Variants in SLC39A12 observed in about 807,000 individuals in gnomAD.
The protein encoded by SLC39A12 is solute carrier family 39 member 12.
SLC39A12 carries 63 observed loss-of-function variants against 71.1 expected under a neutral mutation model. The observed-to-expected ratio is 0.89, with a 90% confidence interval of 0.72 to 1.09. The LOEUF is 1.09. Ranked by LOEUF, SLC39A12 falls within the 50% of genes least tolerant of loss-of-function variation. SLC39A12 has a pLI of 0.00. For synonymous variants in SLC39A12, 351 were observed against 301.3 expected (o/e 1.16, Z -1.71); for missense variants, 892 against 812.6 (o/e 1.10, Z -1.19).
chr10:18,003,130 A>T (rs955971906), intron 11 of SLC39A12, 41 bp from the exon 12 acceptor site: 3 of 1,585,620 alleles, frequency 1.9e-6, no homozygotes, highest in South Asian at 2.3e-5. Context: ...GGCGTCTTCC[A>T]TTAAATGATA....
intron 12 of SLC39A12, among the ~76,000 whole-genome samples, chr10:18,036,794 A>ATATTTTTTTTTTT (rs1554855475): frequency 1.1e-5 from 1 of 92,862 alleles, no homozygotes; most frequent in African/African-American, 4.5e-5. Context: ...ATATATATAT[A>ATATTTTTTTTTTT]TTTTTTTTTT....
Position 18,036,790 on chromosome 10 carries a change from A to ATTTT in SLC39A12, c.1948-5914_1948-5913insTTTT, listed in dbSNP as rs1464293480. 3.8e-4 allele frequency among the ~76,000 whole-genome samples: 26 copies of ATTTT among 69,206 alleles called. 1 individual carries two copies. The highest frequency in any genetic ancestry group is 1.2e-3 in the Admixed American group (6 of 5,136). The allele number at this position is 69,206 out of a possible 152,430, so 45.4% of individuals were successfully genotyped here. ...TATATATATATATATATATATATAT[A>ATTTT]TATATTTTTTTTTTTAATGGAATCT... On this transcript the variant is annotated intron_variant, in intron 12 of 12. Coordinates refer to ENST00000377369, the MANE Select transcript of SLC39A12 (RefSeq NM_001145195.2).
chr10:18,013,346 T>TTTATTTA (rs375552970), intron 12 of SLC39A12, among the ~76,000 whole-genome samples: 5 of 139,846 alleles, frequency 3.6e-5, no homozygotes, highest in Admixed American at 7.2e-5. Flanking sequence ...TCCAACTTTA[T>TTTATTTA]TTATTATTAT....
chr10:18,041,261 C>T (rs1837216964), intron 12 of SLC39A12, among the ~76,000 whole-genome samples: 1 of 151,976 alleles, frequency 6.6e-6, no homozygotes, highest in Non-Finnish European at 1.5e-5. Flanking sequence ...GAAATAGTTG[C>T]CATGTGTTTC....
chr10:17,963,628 C>T (rs956666946), intron 3 of SLC39A12, among the ~76,000 whole-genome samples: 4 of 152,224 alleles, frequency 2.6e-5, no homozygotes, highest in Admixed American at 1.3e-4. Context: ...GCTCATTCAA[C>T]TGGACTAGGA....
In SLC39A12 at chr10:17,991,293, C is replaced by A; in HGVS notation, c.1412C>A (p.Pro471Gln). 2 of 1,580,716 alleles carry A rather than the reference C, an allele frequency of 1.3e-6. No individual in the cohort carries two copies. Among genetic ancestry groups the A allele is most frequent in the Non-Finnish European group, 1.7e-6 (2 of 1,169,304 alleles). ...AAATGTTTTATTCTTCTTGTATCACCAAATGACAAGGTATATTTTTAAGTT... is the reference window on the plus strand; with the variant it reads ...AAATGTTTTATTCTTCTTGTATCACAAAATGACAAGGTATATTTTTAAGTT... Reference protein sequence around the residue: ...IEKCFILLVSPNDKQGLSLVN... With the variant: ...IEKCFILLVSQNDKQGLSLVN... Residue 471 changes from proline to glutamine, a missense_variant, in exon 8 of 13, where the codon CCA (proline) becomes CAA (glutamine). Coordinates refer to ENST00000377369, the MANE Select transcript of SLC39A12 (RefSeq NM_001145195.2).
intron 4 of SLC39A12, among the ~76,000 whole-genome samples, chr10:17,975,308 C>T (rs971428192): frequency 5.9e-5 from 9 of 152,172 alleles, no homozygotes; most frequent in African/African-American, 1.7e-4. Context: ...CTCAGAGCCT[C>T]ACCCAAGGAC....
At chr10:17,956,146 T>C (rs1554847756) in intron 2 of SLC39A12, among the ~76,000 whole-genome samples, 1 of 152,050 alleles carries the variant, frequency 6.6e-6, no homozygotes, top group East Asian at 1.9e-4. Context: ...GAGATATCTG[T>C]GAAAATCACA....
At chr10:17,993,731 A>G (rs777677669) in intron 9 of SLC39A12, among the ~76,000 whole-genome samples, 1 of 152,254 alleles carries the variant, frequency 6.6e-6, no homozygotes, top group Non-Finnish European at 1.5e-5. Context: ...GATTCTGTCC[A>G]ATGAGAAGTT....
At chr10:18,033,608 G>C (rs1177915115) in intron 12 of SLC39A12, among the ~76,000 whole-genome samples, 4 of 145,392 alleles carry the variant, frequency 2.8e-5, no homozygotes, top group Admixed American at 6.9e-5. Context: ...CCAGCTCCTG[G>C]ATTCATTGAT....
At chr10:18,038,509 G>C (rs550318439) in intron 12 of SLC39A12, among the ~76,000 whole-genome samples, 1 of 152,236 alleles carries the variant, frequency 6.6e-6, no homozygotes, top group South Asian at 2.1e-4. Flanking sequence ...AATATGCCAG[G>C]TGTGGTGGTG....
At chr10:17,961,448 G>A in intron 2 of SLC39A12, 133 bp from the exon 3 acceptor site, 1 of 800,666 alleles carries the variant, frequency 1.2e-6, no homozygotes, top group East Asian at 2.7e-5. Flanking sequence ...TCTGAATCTG[G>A]CTATTGGTCC....
chr10:18,015,139 A>G (rs113016346), intron 12 of SLC39A12, among the ~76,000 whole-genome samples: 6 of 152,298 alleles, frequency 3.9e-5, no homozygotes, highest in African/African-American at 1.4e-4. Flanking sequence ...TCTTGGAGAC[A>G]CTGCATGGAT....
intron 6 of SLC39A12, among the ~76,000 whole-genome samples, chr10:17,984,211 C>T (rs1476334913): frequency 6.6e-6 from 1 of 152,194 alleles, no homozygotes; most frequent in African/African-American, 2.4e-5. Context: ...CCTGTGACCA[C>T]AGGTCAGATA....
chr10:18,029,888 A>G, intron 12 of SLC39A12, among the ~76,000 whole-genome samples: 1 of 151,194 alleles, frequency 6.6e-6, no homozygotes, highest in Non-Finnish European at 1.5e-5. Context: ...GGCTAAAATG[A>G]TGGAAAAAAT....
chr10:18,023,783 G>T (rs1263260290), intron 12 of SLC39A12, among the ~76,000 whole-genome samples: 1 of 152,164 alleles, frequency 6.6e-6, no homozygotes, highest in African/African-American at 2.4e-5. Flanking sequence ...TTGTCTCTGG[G>T]ATTTCCTCCC....
At chr10:17,955,464 CAG>C (rs1413056781) in intron 2 of SLC39A12, among the ~76,000 whole-genome samples, 1 of 152,166 alleles carries the variant, frequency 6.6e-6, no homozygotes, top group Admixed American at 6.5e-5. Context: ...AGGGAGGAAA[CAG>C]AGTCCTCTGA....
At chr10:18,028,754 C>G (rs1227905341) in intron 12 of SLC39A12, among the ~76,000 whole-genome samples, 1 of 152,138 alleles carries the variant, frequency 6.6e-6, no homozygotes, top group African/African-American at 2.4e-5. Flanking sequence ...GAATCTCACT[C>G]TATCGCCTAG....
chr10:18,034,456 A>G (rs1272621542), intron 12 of SLC39A12, among the ~76,000 whole-genome samples: 1 of 152,094 alleles, frequency 6.6e-6, no homozygotes, highest in African/African-American at 2.4e-5. Context: ...TTTATCAGAG[A>G]CTAGGATTGC....
Sources: allele counts gnomAD v4.1 joint callset (sites outside exome capture counted in the v4.1 genomes callset), GRCh38; gene constraint gnomAD v4.1.1; transcripts MANE v1.5; gene names NCBI Gene and HGNC (gene_info 2026-07-23, HGNC 2026-07-21).